The following AGBL4 variants were observed in gnomAD, a reference collection of about 807,000 sequenced individuals.
The protein encoded by AGBL4 is AGBL carboxypeptidase 4.
Under a neutral mutation model 66.4 loss-of-function variants are expected in AGBL4, and 58 were observed. That is an observed-to-expected ratio of 0.87 (90% CI 0.71 to 1.09). AGBL4 has a LOEUF of 1.09. Among genes scored for constraint, AGBL4 ranks in the 50% least tolerant of loss-of-function variants. AGBL4 has a pLI of 0.00. For missense variants in AGBL4, 579 were observed against 631.0 expected (o/e 0.92, Z 0.88); for synonymous variants, 234 against 222.9 (o/e 1.05, Z -0.44).
intron 2 of AGBL4, among the ~76,000 whole-genome samples, chr1:49,719,938 C>G (rs983284994): frequency 6.6e-6 from 1 of 152,038 alleles, no homozygotes; most frequent in Non-Finnish European, 1.5e-5. Context: ...GTAAGTTTCT[C>G]GAGGCCTCTC....
At chr1:49,082,282 T>A (rs1644822747) in intron 4 of AGBL4, among the ~76,000 whole-genome samples, 1 of 152,150 alleles carries the variant, frequency 6.6e-6, no homozygotes, top group African/African-American at 2.4e-5. Context: ...AGGCTTTCAT[T>A]TTGCTGAGAG....
chr1:49,353,706 A>G (rs768032746), intron 3 of AGBL4, among the ~76,000 whole-genome samples: 1 of 152,138 alleles, frequency 6.6e-6, no homozygotes, highest in Non-Finnish European at 1.5e-5. Flanking sequence ...CTGTACCCAT[A>G]CAAACCTCAA....
chr1:49,884,632 AGAATAACACAATG>A (rs936281854), intron 1 of AGBL4, among the ~76,000 whole-genome samples: 2 of 151,878 alleles, frequency 1.3e-5, no homozygotes, highest in African/African-American at 4.8e-5. Context: ...ACATAGAGAC[AGAATAACACAATG>A]GTTTTTTTCA....
At chr1:48,983,102 T>C (rs1243381339) in intron 5 of AGBL4, among the ~76,000 whole-genome samples, 1 of 152,128 alleles carries the variant, frequency 6.6e-6, no homozygotes, top group African/African-American at 2.4e-5. Flanking sequence ...AAGTTACTCA[T>C]CAAAAATGAC....
intron 1 of AGBL4, among the ~76,000 whole-genome samples, chr1:50,009,406 C>T (rs1290735295): frequency 6.6e-6 from 1 of 150,774 alleles, no homozygotes; most frequent in Non-Finnish European, 1.5e-5. Context: ...GAATAAAGGA[C>T]AAAAACCATA....
At chr1:49,882,384 G>T (rs1420229732) in intron 1 of AGBL4, among the ~76,000 whole-genome samples, 3,407 of 149,632 alleles carry the variant, frequency 0.023, 107 homozygotes, top group African/African-American at 0.081. Context: ...CTTTTTTGGT[G>T]CCATATGAAC....
chr1:49,599,211 C>T (rs921845284), intron 3 of AGBL4, among the ~76,000 whole-genome samples: 4 of 152,086 alleles, frequency 2.6e-5, no homozygotes, highest in African/African-American at 4.8e-5. Context: ...TGTTAGAATT[C>T]GGCTGTGAAT....
Position 49,775,553 on chromosome 1 carries a change from C to A in AGBL4, c.157+75843G>T, listed in dbSNP as rs139651448. ...ATTTTTAAAAAGATAAATTTTTCCC[C>A]AAACCAAAGTTTTTTCTAACAGGTC... On this transcript the variant is annotated intron_variant, in intron 2 of 13. Transcript: ENST00000371839. Among the ~76,000 whole-genome samples the A allele has an allele frequency of 8.0e-3, 1,220 of 151,844 alleles. 8 individuals are homozygous for A. Among genetic ancestry groups the A allele is most frequent in the Middle Eastern group, 0.031 (9 of 294 alleles).
intron 3 of AGBL4, among the ~76,000 whole-genome samples, chr1:49,287,027 G>A (rs1189688906): frequency 2.0e-5 from 3 of 151,196 alleles, no homozygotes; most frequent in African/African-American, 7.3e-5. Context: ...ATAGATCAAT[G>A]GAACAGAACA....
intron 2 of AGBL4, among the ~76,000 whole-genome samples, chr1:49,698,528 C>T (rs549050462): frequency 1.5e-3 from 223 of 152,086 alleles, no homozygotes; most frequent in African/African-American, 5.2e-3. Context: ...AGAGAACTTA[C>T]CCAAAGTTAT....
At chr1:48,542,935 T>C (rs1329005306) in intron 11 of AGBL4, among the ~76,000 whole-genome samples, 1 of 152,226 alleles carries the variant, frequency 6.6e-6, no homozygotes, top group Non-Finnish European at 1.5e-5. Context: ...TCTAAGTGCC[T>C]TTTGTATACT....
intron 5 of AGBL4, among the ~76,000 whole-genome samples, chr1:48,981,756 G>A (rs535184597): frequency 3.1e-4 from 47 of 152,216 alleles, no homozygotes; most frequent in Non-Finnish European, 5.4e-4. Context: ...GTGGTAGTGC[G>A]TGCTTGGAAT....
intron 4 of AGBL4, among the ~76,000 whole-genome samples, chr1:49,219,967 T>G (rs527287765): frequency 1.2e-3 from 181 of 151,050 alleles, no homozygotes; most frequent in Non-Finnish European, 1.7e-3. Context: ...TTAGTTTTTG[T>G]TTTTTTTTCT....
At chr1:49,070,699 T>C (rs1557614959) in intron 4 of AGBL4, among the ~76,000 whole-genome samples, 2 of 151,962 alleles carry the variant, frequency 1.3e-5, no homozygotes, top group Admixed American at 1.3e-4. Flanking sequence ...TGTTCTTTTT[T>C]TGTTGTGTCT....
intron 6 of AGBL4, among the ~76,000 whole-genome samples, chr1:48,690,395 C>T (rs1429038880): frequency 1.3e-5 from 2 of 152,120 alleles, no homozygotes; most frequent in South Asian, 2.1e-4. Flanking sequence ...AGGCAACTTT[C>T]CCAAGGTTTT....
intron 1 of AGBL4, among the ~76,000 whole-genome samples, chr1:49,890,279 C>T (rs1648508411): frequency 6.6e-6 from 1 of 152,174 alleles, no homozygotes; most frequent in African/African-American, 2.4e-5. Flanking sequence ...AAAATCATGA[C>T]TCATTCATGC....
intron 3 of AGBL4, among the ~76,000 whole-genome samples, chr1:49,523,691 AT>A (rs1324975459): frequency 1.3e-5 from 2 of 152,122 alleles, no homozygotes; most frequent in African/African-American, 4.8e-5. Context: ...TCAAATTAAT[AT>A]AATGTAAAAT....
chr1:48,527,980 G>A (rs975631912), downstream of AGBL4, among the ~76,000 whole-genome samples: 1 of 152,282 alleles, frequency 6.6e-6, no homozygotes. Context: ...CTGGAGACAG[G>A]GAGGCCATTC....
intron 3 of AGBL4, among the ~76,000 whole-genome samples, chr1:49,321,918 T>G (rs994445260): frequency 3.9e-5 from 6 of 152,222 alleles, no homozygotes; most frequent in African/African-American, 1.4e-4. Flanking sequence ...TACAGCTTTC[T>G]TTTCTCCCAC....
Sources: allele counts gnomAD v4.1 joint callset (sites outside exome capture counted in the v4.1 genomes callset), GRCh38; gene constraint gnomAD v4.1.1; transcripts MANE v1.5; gene names NCBI Gene and HGNC (gene_info 2026-07-23, HGNC 2026-07-21).